The following HMCN1 variants were observed in gnomAD, a reference collection of about 807,000 sequenced individuals.
HMCN1 encodes the protein hemicentin-1.
A neutral mutation model predicts 625.9 loss-of-function variants in HMCN1; 321 were observed. That is an observed-to-expected ratio of 0.51 (90% confidence interval 0.47 to 0.56). The LOEUF (loss-of-function observed/expected upper bound fraction) is 0.56, where lower values mean the gene tolerates loss of function less well. HMCN1 is among the 20% of genes least tolerant of loss of function. HMCN1 has a pLI of 0.00. For synonymous variants in HMCN1, 2,425 were observed against 2,417.6 expected (o/e 1.00, Z -0.09); for missense variants, 6,588 against 6,887.3 (o/e 0.96, Z 1.54).
At chr1:185,898,873 T>C (rs1370010238) in intron 4 of HMCN1, among the ~76,000 whole-genome samples, 1 of 147,186 alleles carries the variant, frequency 6.8e-6, no homozygotes. Context: ...CATTGACTGG[T>C]CTTCAGACAG....
At chr1:185,758,615 A>G (rs6685093) in intron 1 of HMCN1, among the ~76,000 whole-genome samples, 14,167 of 152,242 alleles carry the variant, frequency 0.093, 2,090 homozygotes, top group African/African-American at 0.31. Context: ...CAGCCTGGGC[A>G]ACAGAGGGAG....
At chr1:185,911,297 T>G (rs1465060853) in intron 5 of HMCN1, among the ~76,000 whole-genome samples, 2 of 152,214 alleles carry the variant, frequency 1.3e-5, no homozygotes, top group East Asian at 3.9e-4. Flanking sequence ...TTCGGAAATA[T>G]GATTACAGTC....
chr1:186,005,414 GT>G (rs1444180259), intron 29 of HMCN1, among the ~76,000 whole-genome samples: 6 of 143,290 alleles, frequency 4.2e-5, no homozygotes, highest in Non-Finnish European at 9.1e-5. Flanking sequence ...GTTTATAAAT[GT>G]TTATAAACAA....
chr1:185,962,160 A>G (rs1650067637), intron 11 of HMCN1, among the ~76,000 whole-genome samples: 1 of 152,210 alleles, frequency 6.6e-6, no homozygotes, highest in Non-Finnish European at 1.5e-5. Flanking sequence ...TTGTCTAGAA[A>G]GAGCCAAAAA....
intron 11 of HMCN1, chr1:185,957,177 C>G (rs899315209): frequency 6.6e-6 from 1 of 152,160 alleles, no homozygotes; most frequent in Non-Finnish European, 1.5e-5. Context: ...CACAAGCCAG[C>G]ATATTACTGC....
At chr1:185,867,726 G>C (rs1363774872) in intron 4 of HMCN1, among the ~76,000 whole-genome samples, 6 of 152,066 alleles carry the variant, frequency 3.9e-5, no homozygotes. Flanking sequence ...GCTTTTGAAA[G>C]AATAGTTGCT....
At chr1:185,973,609 G>C (rs1384813084) in intron 15 of HMCN1, among the ~76,000 whole-genome samples, 3 of 151,560 alleles carry the variant, frequency 2.0e-5, no homozygotes, top group African/African-American at 4.8e-5. Flanking sequence ...TTATGAAAAG[G>C]CTATTTAATA....
rs568895774 is a variant in HMCN1, at chr1:185,846,194, G to A, written c.339+98G>A. On this transcript the variant is annotated intron_variant, in intron 2 of 106. Transcript: ENST00000271588. ...TTAAATCTAAAAGACATAGTTGTTG[G>A]CTTTTTAAGGGACCCAATAATTGCC... 79 of 912,670 alleles carry A rather than the reference G, an allele frequency of 8.7e-5. No homozygotes were observed. The African/African-American group carries it at 1.2e-3, about 14-fold the overall frequency. The allele number at this position is 912,670 out of a possible 1,614,324, so 56.5% of individuals were successfully genotyped here. A position where few individuals can be genotyped will look rare whatever the true frequency, so the allele number is the denominator to read the frequency against.
chr1:185,772,862 A>G (rs1437606585), intron 1 of HMCN1, among the ~76,000 whole-genome samples: 1 of 152,130 alleles, frequency 6.6e-6, no homozygotes, highest in African/African-American at 2.4e-5. Context: ...TAGAAGGTGG[A>G]AGTGCCCACA....
intron 83 of HMCN1, 21 bp downstream of exon 83, chr1:186,128,312 G>A: frequency 6.3e-7 from 1 of 1,584,582 alleles, no homozygotes; most frequent in Non-Finnish European, 8.7e-7. Flanking sequence ...TAATTCTCAA[G>A]AAGTGAATAA....
chr1:185,774,072 T>A (rs1363637586), intron 1 of HMCN1, among the ~76,000 whole-genome samples: 1 of 152,170 alleles, frequency 6.6e-6, no homozygotes. Flanking sequence ...TGCTTTTTGT[T>A]CCATACTATA....
intron 104 of HMCN1, among the ~76,000 whole-genome samples, chr1:186,181,545 G>T (rs76354092): frequency 0.085 from 12,921 of 152,136 alleles, 696 homozygotes; most frequent in Non-Finnish European, 0.12. Flanking sequence ...ATGAGATCTT[G>T]AGAAGTTAAA....
At chr1:186,007,315 T>C (rs750450610) in intron 30 of HMCN1, 33 bp downstream of exon 30, 2 of 1,600,648 alleles carry the variant, frequency 1.2e-6, no homozygotes, top group Admixed American at 3.3e-5. Flanking sequence ...TTTTATTGTC[T>C]GCTCTCATTA....
At chr1:186,103,399 T>A in intron 68 of HMCN1, 73 bp from the exon 69 acceptor site, 1 of 1,254,852 alleles carries the variant, frequency 8.0e-7, no homozygotes, top group Non-Finnish European at 1.2e-6. Context: ...TGTGTTGGAT[T>A]TTCAAGTTTT....
intron 57 of HMCN1, among the ~76,000 whole-genome samples, chr1:186,083,416 T>G (rs1659289210): frequency 2.0e-5 from 3 of 150,462 alleles, no homozygotes; most frequent in Non-Finnish European, 4.4e-5. Context: ...GTTAAATAAT[T>G]CCTTTAAAAC....
intron 11 of HMCN1, among the ~76,000 whole-genome samples, chr1:185,954,742 G>A (rs910601774): frequency 2.0e-5 from 3 of 152,094 alleles, no homozygotes; most frequent in African/African-American, 7.2e-5. Flanking sequence ...GGGCACTTAG[G>A]ATCTCTTTTC....
At chr1:185,884,937 C>T (rs974085029) in intron 4 of HMCN1, among the ~76,000 whole-genome samples, 1 of 151,908 alleles carries the variant, frequency 6.6e-6, no homozygotes, top group South Asian at 2.1e-4. Context: ...TTTGTATAAA[C>T]TGGTAAAATA....
chr1:185,822,509 GATA>G, intron 1 of HMCN1, among the ~76,000 whole-genome samples: 1 of 152,250 alleles, frequency 6.6e-6, no homozygotes, highest in East Asian at 1.9e-4. Flanking sequence ...TGAAGGGTTT[GATA>G]ATGTTAATGT....
Position 185,800,432 on chromosome 1 carries a change from T to A in HMCN1, c.269-45594T>A, listed in dbSNP as rs554683163. On this transcript the variant is annotated intron_variant, in intron 1 of 106. Coordinates refer to ENST00000271588, the MANE Select transcript of HMCN1 (RefSeq NM_031935.3). ...CATCATGATCACCTTATTTTAACTA[T>A]ATGTTGGAAATCATCCAGTCATCTG... Among the ~76,000 whole-genome samples, 3 of 152,328 alleles carry A rather than the reference T, an allele frequency of 2.0e-5. No homozygotes were observed. The South Asian group carries it at 6.2e-4, about 32-fold the overall frequency.
Sources: allele counts gnomAD v4.1 joint callset (sites outside exome capture counted in the v4.1 genomes callset), GRCh38; gene constraint gnomAD v4.1.1; transcripts MANE v1.5; gene names NCBI Gene and HGNC (gene_info 2026-07-23, HGNC 2026-07-21).